COL11A1: variants seen among roughly 807,000 people sequenced by gnomAD.
The protein encoded by COL11A1 is collagen type XI alpha 1 chain, also known as collagen alpha-1(XI) chain.
A neutral mutation model predicts 265.2 loss-of-function variants in COL11A1; 74 were observed. That is an observed-to-expected ratio of 0.28 (90% CI 0.23 to 0.34). COL11A1 has a LOEUF of 0.34. Ranked by LOEUF, COL11A1 falls within the 10% of genes least tolerant of loss-of-function variation. The probability of loss-of-function intolerance (pLI) is 1.00; values close to 1 mark genes in which losing one functional copy is unlikely to be tolerated. For missense variants in COL11A1, 2,165 were observed against 2,263.6 expected (o/e 0.96, Z 0.88); for synonymous variants, 816 against 727.6 (o/e 1.12, Z -1.96).
chr1:102,905,151 C>T (rs1279997384), intron 54 of COL11A1, among the ~76,000 whole-genome samples: 1 of 144,416 alleles, frequency 6.9e-6, no homozygotes, highest in Non-Finnish European at 1.5e-5. Flanking sequence ...CATGTTCTCA[C>T]TCATAGGTGG....
At chr1:103,001,882 A>G in intron 24 of COL11A1, 43 bp downstream of exon 24, 1 of 1,593,582 alleles carries the variant, frequency 6.3e-7, no homozygotes, top group Admixed American at 1.7e-5. Context: ...TTGCTAAAAC[A>G]AACATGTTCA....
intron 49 of COL11A1, among the ~76,000 whole-genome samples, chr1:102,920,054 T>A (rs1279654757): frequency 3.3e-5 from 5 of 152,066 alleles, no homozygotes; most frequent in Non-Finnish European, 1.5e-5. Flanking sequence ...ATGTGGATAT[T>A]AAGGACACCG....
At chr1:102,895,308 T>C (rs889046974) in intron 57 of COL11A1, among the ~76,000 whole-genome samples, 1 of 152,098 alleles carries the variant, frequency 6.6e-6, no homozygotes, top group Non-Finnish European at 1.5e-5. Context: ...GATATTTCAA[T>C]TGTCTAAATA....
chr1:102,923,693 G>A (rs1003864665), intron 46 of COL11A1, among the ~76,000 whole-genome samples: 11 of 151,888 alleles, frequency 7.2e-5, no homozygotes, highest in East Asian at 1.9e-4. Flanking sequence ...GCTCAGTCCC[G>A]TACAAATAAT....
At chr1:103,051,251 C>G (rs1171482264) in intron 4 of COL11A1, among the ~76,000 whole-genome samples, 4 of 152,206 alleles carry the variant, frequency 2.6e-5, no homozygotes, top group Admixed American at 2.0e-4. Context: ...GGTCTCCACC[C>G]AGTTTGAGCT....
chr1:102,925,355 T>G (rs1182048300), intron 46 of COL11A1, among the ~76,000 whole-genome samples: 2 of 152,070 alleles, frequency 1.3e-5, no homozygotes, highest in African/African-American at 4.8e-5. Flanking sequence ...ATCCACAAAA[T>G]TTTTTTATAA....
chr1:103,035,572 C>T (rs1204871882), intron 4 of COL11A1, among the ~76,000 whole-genome samples: 2 of 151,910 alleles, frequency 1.3e-5, no homozygotes, highest in African/African-American at 4.8e-5. Flanking sequence ...GTTTTTAATT[C>T]ATTCACTCTC....
In COL11A1 at chr1:102,913,503, T is replaced by G. The variant is rs1296322877; in HGVS notation, c.4032+134A>C. ...TGATTTTTAATGGGAATTCAAAAAT[T>G]TTTTTGATAATTCTTTCAAAAAAGT... On this transcript the variant is annotated intron_variant, in intron 53 of 66. Coordinates refer to ENST00000370096, the MANE Select transcript of COL11A1 (RefSeq NM_001854.4). 6 of 780,630 alleles carry G rather than the reference T, an allele frequency of 7.7e-6. No individual in the cohort carries two copies. The East Asian group carries it at 1.0e-4, about 14-fold the overall frequency. 48.4% of individuals were successfully genotyped at this position (780,630 alleles called of 1,614,324 possible).
chr1:103,073,291 C>T (rs542315097), intron 4 of COL11A1, among the ~76,000 whole-genome samples: 19 of 151,758 alleles, frequency 1.3e-4, no homozygotes, highest in Admixed American at 9.9e-4. Flanking sequence ...CATTTATGTT[C>T]CTGGAAAATA....
chr1:102,995,806 A>C, intron 28 of COL11A1, 58 bp downstream of exon 28: 1 of 1,381,962 alleles, frequency 7.2e-7, no homozygotes, highest in Non-Finnish European at 1.0e-6. Flanking sequence ...CTGTTGAATA[A>C]ATTTAAATGT....
intron 63 of COL11A1, among the ~76,000 whole-genome samples, chr1:102,885,773 T>G (rs1650891538): frequency 6.6e-6 from 1 of 152,134 alleles, no homozygotes; most frequent in Non-Finnish European, 1.5e-5. Context: ...ATAACACCAG[T>G]TAAAAGTAAA....
intron 15 of COL11A1, among the ~76,000 whole-genome samples, chr1:103,007,487 A>T (rs1665726541): frequency 2.0e-5 from 3 of 152,316 alleles, no homozygotes; most frequent in Admixed American, 2.0e-4. Flanking sequence ...ATGGTAGAAA[A>T]AAATGAAACC....
chr1:102,924,363 A>G (rs1434904409), intron 46 of COL11A1, among the ~76,000 whole-genome samples: 5 of 152,244 alleles, frequency 3.3e-5, no homozygotes, highest in African/African-American at 1.2e-4. Context: ...TCTTCACCGA[A>G]AAATTATTTT....
At chr1:103,071,869 GTATATATA>G (rs67216828) in intron 4 of COL11A1, among the ~76,000 whole-genome samples, 2,187 of 147,682 alleles carry the variant, frequency 0.015, 44 homozygotes, top group African/African-American at 0.051. Context: ...ATATGTGTTT[GTATATATA>G]TATATATATA....
At chr1:102,994,425 C>A (rs1037795011) in intron 28 of COL11A1, among the ~76,000 whole-genome samples, 1 of 152,046 alleles carries the variant, frequency 6.6e-6, no homozygotes, top group African/African-American at 2.4e-5. Context: ...TTCTTCACCC[C>A]CTCCTGCTCC....
chr1:102,922,380 A>C (rs1656080633), intron 47 of COL11A1, among the ~76,000 whole-genome samples: 1 of 152,056 alleles, frequency 6.6e-6, no homozygotes, highest in Non-Finnish European at 1.5e-5. Context: ...GGAAGTATTA[A>C]CCAGTTATTT....
intron 5 of COL11A1, among the ~76,000 whole-genome samples, chr1:103,029,013 T>A (rs778283979): frequency 7.2e-5 from 11 of 152,064 alleles, no homozygotes; most frequent in Non-Finnish European, 1.3e-4. Context: ...TAAAATGTGA[T>A]GATATTATGA....
chr1:102,958,414 T>C (rs1187498583), intron 41 of COL11A1, among the ~76,000 whole-genome samples: 7 of 152,162 alleles, frequency 4.6e-5, no homozygotes, highest in Non-Finnish European at 8.8e-5. Flanking sequence ...AGATAAATTA[T>C]ACTTCACATC....
intron 1 of COL11A1, among the ~76,000 whole-genome samples, chr1:103,089,198 TC>T (rs1673108413): frequency 6.6e-6 from 1 of 152,124 alleles, no homozygotes; most frequent in Non-Finnish European, 1.5e-5. Context: ...GGTACAGACA[TC>T]CATATTTTTT....
Sources: gnomAD v4.1 joint callset for allele counts (sites outside exome capture counted in the v4.1 genomes callset) on GRCh38, gnomAD v4.1.1 for gene constraint, MANE v1.5 for transcripts, NCBI Gene and HGNC (gene_info 2026-07-23, HGNC 2026-07-21) for gene names.